CCNY: variants seen among roughly 807,000 people sequenced by gnomAD.
CCNY encodes the protein cyclin-Y.
Under a neutral mutation model 42.8 loss-of-function variants are expected in CCNY, and 19 were observed. That is an observed-to-expected ratio of 0.44 (90% CI 0.31 to 0.65). CCNY has a LOEUF of 0.65. Ranked by LOEUF, CCNY falls within the 30% of genes least tolerant of loss-of-function variation. The pLI is 0.07. For synonymous variants in CCNY, 165 were observed against 162.7 expected, an observed-to-expected ratio of 1.01 and a Z score of -0.11; for missense variants, 370 against 437.3, an observed-to-expected ratio of 0.85 and a Z score of 1.37.
intron 2 of CCNY, among the ~76,000 whole-genome samples, chr10:35,493,697 T>C (rs1482210497): frequency 3.9e-5 from 6 of 152,212 alleles, no homozygotes; most frequent in Non-Finnish European, 8.8e-5. Flanking sequence ...GTGCATATGA[T>C]CCATTTCCAC....
At chr10:35,274,149 A>G (rs1420177203) in intron 3 of CCNY, among the ~76,000 whole-genome samples, 1 of 152,210 alleles carries the variant, frequency 6.6e-6, no homozygotes, top group Non-Finnish European at 1.5e-5. Context: ...ATCATGGCAG[A>G]AGGCAAAGGA....
chr10:35,301,036 G>A (rs1835527599), intron 3 of CCNY, among the ~76,000 whole-genome samples: 1 of 152,124 alleles, frequency 6.6e-6, no homozygotes, highest in African/African-American at 2.4e-5. Context: ...TCAAACTCCT[G>A]ACCTCAAGTG....
At chr10:35,492,393 C>G (rs976193513) in intron 2 of CCNY, among the ~76,000 whole-genome samples, 1 of 152,224 alleles carries the variant, frequency 6.6e-6, no homozygotes, top group Non-Finnish European at 1.5e-5. Flanking sequence ...TGATAGACAC[C>G]TTTCCTTGGC....
intron 1 of CCNY, among the ~76,000 whole-genome samples, chr10:35,351,649 CA>C (rs1419383127): frequency 6.6e-6 from 1 of 152,112 alleles, no homozygotes; most frequent in Non-Finnish European, 1.5e-5. Context: ...ATTTCTGAAA[CA>C]AGGACAATTA....
chr10:35,507,643 A>G (rs1840241295), intron 3 of CCNY, among the ~76,000 whole-genome samples: 1 of 152,220 alleles, frequency 6.6e-6, no homozygotes, highest in South Asian at 2.1e-4. Flanking sequence ...AATGTCCGCT[A>G]CAGCGTGTTT....
chr10:35,269,043 TCAAA>T (rs1010596706), intron 3 of CCNY, among the ~76,000 whole-genome samples: 2 of 152,208 alleles, frequency 1.3e-5, no homozygotes, highest in African/African-American at 4.8e-5. Context: ...TATCTCCTTA[TCAAA>T]CAGTCACTTG....
intron 4 of CCNY, among the ~76,000 whole-genome samples, chr10:35,520,999 C>T (rs1840535242): frequency 6.6e-6 from 1 of 152,302 alleles, no homozygotes; most frequent in South Asian, 2.1e-4. Context: ...CCCGTCACAG[C>T]CCTGTCTATG....
chr10:35,328,066 G>C lies in CCNY; in HGVS notation c.-9+77440G>C, dbSNP rs76111329. Among the ~76,000 whole-genome samples, 337 of 152,332 alleles carry C rather than the reference G, an allele frequency of 2.2e-3. 3 individuals are homozygous for C. Among genetic ancestry groups the C allele is most frequent in the Non-Finnish European group, 3.9e-3 (265 of 68,034 alleles). The stretch of plus-strand genomic sequence containing the variant: ...GCAGAGAACGATAACACTTTGATGT[G>C]TGAATATTCCAAATACCACTTCTCA... On this transcript the variant is annotated intron_variant, in intron 3 of 11. Transcript: ENST00000374706.
At position 35,379,284 on chromosome 10, in the gene CCNY, T is replaced by G. The variant is rs11010184; in HGVS notation, c.154+42077T>G. 5.5e-3 allele frequency among the ~76,000 whole-genome samples: 843 copies of G among 152,286 alleles called. 9 individuals are homozygous for G. The highest frequency in any genetic ancestry group is 0.019 in the African/African-American group (808 of 41,562). ...GGGTTGGGGCTGGTCGAAGGCTTCC[T>G]TCCCTGCCCCCCTGGACCTGGATGG... is the stretch of plus-strand genomic sequence containing the variant. On this transcript the variant is annotated intron_variant, in intron 1 of 9. Transcript: ENST00000374704.
intron 1 of CCNY, chr10:35,449,863 G>A (rs1186684308): frequency 1.1e-6 from 1 of 940,446 alleles, no homozygotes; most frequent in Non-Finnish European, 1.3e-6. Flanking sequence ...GACAAAAAGG[G>A]CCTTTCCAAT....
chr10:35,418,187 C>T (rs765456763), intron 1 of CCNY, among the ~76,000 whole-genome samples: 3 of 152,142 alleles, frequency 2.0e-5, no homozygotes, highest in Non-Finnish European at 2.9e-5. Flanking sequence ...TTGTGAATAT[C>T]AACAGCAGGG....
At chr10:35,516,241 T>TCTC (rs1840423455) in intron 3 of CCNY, among the ~76,000 whole-genome samples, 2 of 152,232 alleles carry the variant, frequency 1.3e-5, no homozygotes, top group South Asian at 4.1e-4. Context: ...TTTTGTGGAC[T>TCTC]CTGAAACATG....
chr10:35,557,230 C>T (rs754986991), intron 8 of CCNY, among the ~76,000 whole-genome samples: 1 of 152,138 alleles, frequency 6.6e-6, no homozygotes, highest in African/African-American at 2.4e-5. Context: ...TAATATGAAA[C>T]TCACAGTTAC....
intron 3 of CCNY, among the ~76,000 whole-genome samples, chr10:35,254,785 C>T (rs914621807): frequency 5.1e-5 from 7 of 138,518 alleles, no homozygotes; most frequent in African/African-American, 8.2e-5. Context: ...GAGCTGTGAT[C>T]GTGCCACTGC....
intron 1 of CCNY, among the ~76,000 whole-genome samples, 179 bp from the exon 2 acceptor site, chr10:35,483,225 A>G (rs1261433374): frequency 6.6e-6 from 1 of 152,230 alleles, no homozygotes; most frequent in African/African-American, 2.4e-5. Flanking sequence ...TATGACTTTC[A>G]TATTTCTAAA....
At chr10:35,505,710 G>A (rs1840202318) in intron 3 of CCNY, among the ~76,000 whole-genome samples, 1 of 152,144 alleles carries the variant, frequency 6.6e-6, no homozygotes, top group South Asian at 2.1e-4. Context: ...TACGTATGTT[G>A]TATTATTATT....
chr10:35,344,559 G>T (rs1836257310), intron 1 of CCNY, among the ~76,000 whole-genome samples: 1 of 152,028 alleles, frequency 6.6e-6, no homozygotes, highest in South Asian at 2.1e-4. Flanking sequence ...TTTTCAGTTG[G>T]TATACTTTAT....
At chr10:35,266,618 C>T (rs187088805) in intron 3 of CCNY, among the ~76,000 whole-genome samples, 44 of 152,146 alleles carry the variant, frequency 2.9e-4, no homozygotes, top group African/African-American at 9.4e-4. Flanking sequence ...GTAACAAGAG[C>T]CCTAATGCAA....
At chr10:35,272,056 G>A (rs956420614) in intron 3 of CCNY, among the ~76,000 whole-genome samples, 6 of 152,100 alleles carry the variant, frequency 3.9e-5, no homozygotes, top group Non-Finnish European at 8.8e-5. Context: ...GAGCGATCTC[G>A]GCTTACTGCA....
Sources: allele counts gnomAD v4.1 joint callset (sites outside exome capture counted in the v4.1 genomes callset), GRCh38; gene constraint gnomAD v4.1.1; transcripts MANE v1.5; gene names NCBI Gene and HGNC (gene_info 2026-07-23, HGNC 2026-07-21).